The following DNAJC10 variants were observed in gnomAD, a reference collection of about 807,000 sequenced individuals.
DNAJC10 encodes endoplasmic reticulum disulfide reductase DNAJC10.
Under a neutral mutation model 115.0 loss-of-function variants are expected in DNAJC10, and 101 were observed. That is an observed-to-expected ratio of 0.88 (90% CI 0.75 to 1.04). The LOEUF is 1.04. DNAJC10 is among the 50% of genes least tolerant of loss of function. DNAJC10 has a pLI of 0.00. For synonymous variants in DNAJC10, 307 were observed against 301.5 expected, an observed-to-expected ratio of 1.02 and a Z score of -0.19; for missense variants, 981 against 928.8, an observed-to-expected ratio of 1.06 and a Z score of -0.73.
intron 22 of DNAJC10, among the ~76,000 whole-genome samples, chr2:182,763,497 C>T (rs1239166702): frequency 6.6e-6 from 1 of 152,096 alleles, no homozygotes; most frequent in Non-Finnish European, 1.5e-5. Context: ...AAACCACAAA[C>T]ATCCACTAGA....
Position 182,779,993 on chromosome 2 carries a change from G to A in DNAJC10, c.*2861G>A, listed in dbSNP as rs557781489. ...TAGGCACATTTATTCCATTGTGACT[G>A]TTAAGAAATAATAAAAGATTAAATT... On this transcript the variant is annotated 3_prime_UTR_variant, in exon 24 of 24. Coordinates refer to ENST00000264065, the MANE Select transcript of DNAJC10 (RefSeq NM_018981.4). The A allele has an allele frequency of 8.7e-4, 133 of 152,218 alleles. No homozygotes were observed. Among genetic ancestry groups the A allele is most frequent in the African/African-American group, 3.1e-3 (128 of 41,544 alleles). The allele number at this position is 152,218 out of a possible 1,614,324, so 9.4% of individuals were successfully genotyped here.
intron 4 of DNAJC10, 103 bp downstream of exon 4, chr2:182,720,272 G>A: frequency 1.1e-6 from 1 of 930,538 alleles, no homozygotes; most frequent in Non-Finnish European, 1.7e-6. Flanking sequence ...GCGTCACTTT[G>A]ATTAGCTCCT....
Position 182,753,203 on chromosome 2 carries a change from A to T in DNAJC10, c.1551+1015A>T, listed in dbSNP as rs546476685. Among the ~76,000 whole-genome samples the T allele has an allele frequency of 7.2e-5, 11 of 152,326 alleles. No individual in the cohort carries two copies. In the East Asian group the frequency reaches 2.1e-3, roughly 29 times the overall value. On this transcript the variant is annotated intron_variant, in intron 16 of 23. Coordinates refer to ENST00000264065, the MANE Select transcript of DNAJC10 (RefSeq NM_018981.4). ...GAGTATAAGTGAAGTAAAAGTAGCC[A>T]TGAGTCAGTGATTATTGTAGCTATA...
At chr2:182,768,391 T>C (rs1375250981) in intron 22 of DNAJC10, among the ~76,000 whole-genome samples, 1 of 152,162 alleles carries the variant, frequency 6.6e-6, no homozygotes, top group Non-Finnish European at 1.5e-5. Flanking sequence ...TAGACAGAGC[T>C]GTTTGAAAAG....
At position 182,788,551 on chromosome 2, in the gene DNAJC10, A is replaced by T. The variant is rs762023598; in HGVS notation, c.*11419A>T. On this transcript the variant is annotated 3_prime_UTR_variant, in exon 24 of 24. Coordinates refer to ENST00000264065, the MANE Select transcript of DNAJC10 (RefSeq NM_018981.4). ...ATTAAAATTTGAAAAATATCTTGGA[A>T]ATAAGGATGGACAGTTTAAGTACTT... 4.1e-5 allele frequency: 8 copies of T among 196,278 alleles called. No homozygotes were observed. The highest frequency in any genetic ancestry group is 8.5e-5 in the Non-Finnish European group (8 of 94,596). 12.2% of individuals were successfully genotyped at this position (196,278 alleles called of 1,614,324 possible).
chr2:182,741,366 A>G lies in DNAJC10; in HGVS notation c.1191+10A>G. ...AAATGATCATATTCAAGTAAGAAAA[A>G]TGTATTCTGCCTAGCCTTCTGCTGG... On this transcript the variant is annotated intron_variant, in intron 13 of 23. Transcript: ENST00000264065. 7.2e-7 allele frequency: 1 copy of G among 1,395,022 alleles called. No individual in the cohort carries two copies. 86.4% of individuals were successfully genotyped at this position (1,395,022 alleles called of 1,614,324 possible).
chr2:182,758,061 TA>T, intron 19 of DNAJC10, among the ~76,000 whole-genome samples: 1 of 152,292 alleles, frequency 6.6e-6, no homozygotes, highest in African/African-American at 2.4e-5. Flanking sequence ...AGCTAACATT[TA>T]TTAAGTCCTT....
At chr2:182,762,902 A>AT in intron 22 of DNAJC10, 101 bp downstream of exon 22, 4 of 1,275,436 alleles carry the variant, frequency 3.1e-6, no homozygotes, top group Non-Finnish European at 4.3e-6. Flanking sequence ...CATCCTTGTC[A>AT]TTTTTTTATA....
chr2:182,755,804 T>C (rs754282307), intron 17 of DNAJC10, among the ~76,000 whole-genome samples: 13 of 152,224 alleles, frequency 8.5e-5, no homozygotes, highest in Non-Finnish European at 1.6e-4. Flanking sequence ...CAGAACTTTA[T>C]GGCCTCTGTA....
rs1461576370 is a variant in DNAJC10, at chr2:182,767,955, A to G, written c.2265+5154A>G. The stretch of plus-strand genomic sequence containing the variant: ...ACACACAGTGCCTCGGTATTTTTCC[A>G]TGCCCCAACCTCAAATGCCATGTAC... On this transcript the variant is annotated intron_variant, in intron 22 of 23. Coordinates refer to ENST00000264065, the MANE Select transcript of DNAJC10 (RefSeq NM_018981.4). Among the ~76,000 whole-genome samples, 6 of 152,168 alleles carry G rather than the reference A, an allele frequency of 3.9e-5. No homozygotes were observed. The East Asian group carries it at 9.7e-4, about 25-fold the overall frequency.
intron 5 of DNAJC10, among the ~76,000 whole-genome samples, chr2:182,727,056 G>GTTT (rs11376651): frequency 8.2e-5 from 12 of 146,784 alleles, no homozygotes; most frequent in African/African-American, 2.5e-4. Flanking sequence ...TGTTTTGTTT[G>GTTT]TTTTTTTTTT....
intron 22 of DNAJC10, among the ~76,000 whole-genome samples, chr2:182,766,603 C>G (rs1694419401): frequency 6.6e-6 from 1 of 152,062 alleles, no homozygotes; most frequent in Non-Finnish European, 1.5e-5. Context: ...TAAGATGCAA[C>G]TAACTTTTCC....
chr2:182,773,364 T>C (rs1694617317), intron 22 of DNAJC10, among the ~76,000 whole-genome samples: 1 of 152,192 alleles, frequency 6.6e-6, no homozygotes, highest in Non-Finnish European at 1.5e-5. Context: ...ATTTCCTGAA[T>C]TTGAATGTTG....
intron 5 of DNAJC10, among the ~76,000 whole-genome samples, chr2:182,723,692 A>T (rs987330184): frequency 6.6e-6 from 1 of 152,234 alleles, no homozygotes; most frequent in Non-Finnish European, 1.5e-5. Flanking sequence ...TTACAGATAG[A>T]GGAACTGAAC....
At chr2:182,769,142 A>G (rs1245908442) in intron 22 of DNAJC10, among the ~76,000 whole-genome samples, 2 of 152,142 alleles carry the variant, frequency 1.3e-5, no homozygotes, top group African/African-American at 2.4e-5. Flanking sequence ...ATGTCCCTGC[A>G]AAGGACATGA....
chr2:182,752,350 A>C (rs555766703), intron 16 of DNAJC10, among the ~76,000 whole-genome samples, 162 bp downstream of exon 16: 1 of 152,348 alleles, frequency 6.6e-6, no homozygotes, highest in East Asian at 1.9e-4. Context: ...AGTGGTATCA[A>C]ATATGATTGG....
rs148976005 is a variant in DNAJC10 at position 182,730,429 on chromosome 2, G to T, written c.727+488G>T. On this transcript the variant is annotated intron_variant, in intron 8 of 23. Transcript: ENST00000264065. ...GTTACGTGTCAGAAACTATTAAATAGTGGGGCTGCAGTAATAAAATATATA... is the reference window on the plus strand; with the variant it reads ...GTTACGTGTCAGAAACTATTAAATATTGGGGCTGCAGTAATAAAATATATA... 928 of 311,594 alleles carry T rather than the reference G, an allele frequency of 3.0e-3. 18 individuals carry two copies. The highest frequency in any genetic ancestry group is 9.0e-3 in the East Asian group (98 of 10,932). The allele number at this position is 311,594 out of a possible 1,614,324, so 19.3% of individuals were successfully genotyped here.
Position 182,720,033 on chromosome 2 carries a change from T to C in DNAJC10, c.231T>C (p.Phe77=), listed in dbSNP as rs1475523335. 1 of 1,575,668 alleles carries C rather than the reference T, an allele frequency of 6.3e-7. No individual in the cohort carries two copies. The highest frequency in any genetic ancestry group is 1.7e-4 in the Middle Eastern group (1 of 5,942). ...NPNNPNAHGD[F]LKINRAYEVL... The stretch of plus-strand genomic sequence containing the variant: ...ATAACCCAAATGCACATGGCGATTT[T>C]TTAAAAATAAATAGAGCATATGAAG... The change falls in exon 4 of 24, where the codon TTT becomes TTC. Residue 77 remains phenylalanine, a synonymous_variant. Coordinates refer to ENST00000264065, the MANE Select transcript of DNAJC10 (RefSeq NM_018981.4).
intron 11 of DNAJC10, 115 bp from the exon 12 acceptor site, chr2:182,740,180 CTATT>C (rs1693695726): frequency 3.4e-6 from 4 of 1,163,260 alleles, no homozygotes; most frequent in Non-Finnish European, 1.1e-6. Context: ...GTTTGAAAAA[CTATT>C]TACCTTCTAT....
Sources: allele counts gnomAD v4.1 joint callset (sites outside exome capture counted in the v4.1 genomes callset), GRCh38; gene constraint gnomAD v4.1.1; transcripts MANE v1.5; gene names NCBI Gene and HGNC (gene_info 2026-07-23, HGNC 2026-07-21).